Variants in TTC17 observed in about 807,000 individuals in gnomAD.
TTC17 encodes tetratricopeptide repeat domain 17, also known as tetratricopeptide repeat protein 17.
Under a neutral mutation model 143.8 loss-of-function variants are expected in TTC17, and 58 were observed. The observed-to-expected ratio is 0.40, with a 90% CI of 0.33 to 0.50. TTC17 has a LOEUF of 0.50. Ranked by LOEUF, TTC17 falls within the 20% of genes least tolerant of loss-of-function variation. TTC17 has a pLI of 0.49. For missense variants in TTC17, 1,273 were observed against 1,392.5 expected (o/e 0.91, Z 1.37); for synonymous variants, 501 against 497.8 (o/e 1.01, Z -0.09).
intron 21 of TTC17, among the ~76,000 whole-genome samples, chr11:43,470,608 G>A (rs1010359890): frequency 1.3e-5 from 2 of 152,124 alleles, no homozygotes; most frequent in Admixed American, 6.5e-5. Context: ...AGATATTTAG[G>A]GAAATAAAGC....
At chr11:43,423,396 T>G (rs1946953519) in intron 16 of TTC17, among the ~76,000 whole-genome samples, 1 of 152,136 alleles carries the variant, frequency 6.6e-6, no homozygotes, top group African/African-American at 2.4e-5. Context: ...TCCCTCAGAA[T>G]GTGCAGGATG....
chr11:43,485,843 G>A lies in TTC17; in HGVS notation c.3031-4396G>A, dbSNP rs528686863. ...TGTGAATGGGGTTGTATGTTGGCAT[G>A]GCACCTTTGGGAAACAATTTGGCAA... On this transcript the variant is annotated intron_variant, in intron 21 of 23. Coordinates refer to ENST00000039989, the MANE Select transcript of TTC17 (RefSeq NM_018259.6). Among the ~76,000 whole-genome samples, 28 of 150,888 alleles carry A rather than the reference G, an allele frequency of 1.9e-4. No individual in the cohort carries two copies. The South Asian group carries it at 5.9e-3, about 32-fold the overall frequency.
At chr11:43,455,582 A>G (rs1335824890) in intron 21 of TTC17, among the ~76,000 whole-genome samples, 1 of 152,152 alleles carries the variant, frequency 6.6e-6, no homozygotes, top group African/African-American at 2.4e-5. Context: ...AATTTATTCA[A>G]ATAGGTTTGA....
chr11:43,401,326 G>A (rs1050509132), intron 9 of TTC17, 120 bp from the exon 10 acceptor site: 6 of 606,330 alleles, frequency 9.9e-6, no homozygotes, highest in South Asian at 4.4e-5. Flanking sequence ...TACGTCCTAC[G>A]TAAGTAGCCT....
rs77256918 is a variant in TTC17, at chr11:43,492,508, T to C, written c.3294+345T>C. ...ACATACATGCTCTCTTGCTTCCAGG[T>C]TGGGCTAAGGTACCTGTCATCGCAC... On this transcript the variant is annotated intron_variant, in intron 23 of 23. Transcript: ENST00000039989. Among the ~76,000 whole-genome samples, 140 of 152,348 alleles carry C rather than the reference T, an allele frequency of 9.2e-4. 1 individual carries two copies. The Middle Eastern group carries it at 0.014, about 15-fold the overall frequency.
intron 16 of TTC17, chr11:43,436,075 T>G (rs1275017919): frequency 8.8e-7 from 1 of 1,132,182 alleles, no homozygotes; most frequent in African/African-American, 1.6e-5. Context: ...TGTCACATTT[T>G]TGCTCTTCTT....
Position 43,448,125 on chromosome 11 carries a change from A to G in TTC17, c.2786+3A>G. 1.2e-6 allele frequency: 2 copies of G among 1,613,906 alleles called. No individual in the cohort carries two copies. Among genetic ancestry groups the G allele is most frequent in the Non-Finnish European group, 1.7e-6 (2 of 1,179,896 alleles). The stretch of plus-strand genomic sequence containing the variant: ...GCAGTTTCTTCAAAAAACATTGAGT[A>G]AGTATGTTAAGCCTCTCCCTCCTTT... On this transcript the variant is annotated splice_donor_region_variant and intron_variant, in intron 19 of 23. Transcript: ENST00000039989.
intron 21 of TTC17, among the ~76,000 whole-genome samples, chr11:43,480,874 A>G (rs745710516): frequency 6.6e-6 from 1 of 150,652 alleles, no homozygotes; most frequent in Non-Finnish European, 1.5e-5. Flanking sequence ...AAAAAAATCA[A>G]TACAAGAAAA....
At chr11:43,485,990 A>C (rs180711732) in intron 21 of TTC17, among the ~76,000 whole-genome samples, 1 of 151,730 alleles carries the variant, frequency 6.6e-6, no homozygotes, top group East Asian at 1.9e-4. Flanking sequence ...AAGCAATCTA[A>C]ATGCCCATCT....
chr11:43,376,747 TTAA>T (rs1455041993), intron 1 of TTC17, among the ~76,000 whole-genome samples: 27 of 152,366 alleles, frequency 1.8e-4, no homozygotes, highest in Admixed American at 6.5e-4. Flanking sequence ...TTATAGAAGC[TTAA>T]TAAACACTTA....
intron 23 of TTC17, among the ~76,000 whole-genome samples, 176 bp from the exon 24 acceptor site, chr11:43,493,597 A>G (rs1488294829): frequency 6.6e-6 from 1 of 152,148 alleles, no homozygotes; most frequent in Non-Finnish European, 1.5e-5. Context: ...TCGGGAATGA[A>G]GGCAGCTGTT....
intron 21 of TTC17, among the ~76,000 whole-genome samples, chr11:43,475,210 A>T (rs141928649): frequency 1.8e-3 from 274 of 152,316 alleles, no homozygotes; most frequent in African/African-American, 5.7e-3. Context: ...TTTATCCAAG[A>T]TGCTTGGGAC....
intron 2 of TTC17, among the ~76,000 whole-genome samples, chr11:43,386,971 G>T (rs989463120): frequency 7.2e-5 from 11 of 152,038 alleles, no homozygotes; most frequent in Admixed American, 2.6e-4. Context: ...GTTTCATGGG[G>T]ATGGGGTCTC....
chr11:43,460,547 T>C (rs1947846270), intron 21 of TTC17, among the ~76,000 whole-genome samples: 4 of 152,206 alleles, frequency 2.6e-5, no homozygotes, highest in African/African-American at 9.6e-5. Flanking sequence ...CAATGCCCTG[T>C]TTAAATACCA....
intron 16 of TTC17, among the ~76,000 whole-genome samples, chr11:43,438,282 C>T (rs1947337103): frequency 1.3e-5 from 2 of 152,188 alleles, no homozygotes; most frequent in South Asian, 4.1e-4. Flanking sequence ...CTCAGCCTTC[C>T]AAGTAACTGG....
At chr11:43,476,853 A>C (rs1209707967) in intron 21 of TTC17, among the ~76,000 whole-genome samples, 1 of 151,546 alleles carries the variant, frequency 6.6e-6, no homozygotes, top group Non-Finnish European at 1.5e-5. Flanking sequence ...ACTCCTTGCT[A>C]CTTATGCAGA....
intron 15 of TTC17, among the ~76,000 whole-genome samples, chr11:43,411,619 G>C (rs372433957): frequency 1.1e-4 from 16 of 152,016 alleles, no homozygotes; most frequent in East Asian, 1.9e-4. Context: ...TTATTTTTTC[G>C]TTCAAGGGAT....
chr11:43,412,071 A>G (rs1858438458), intron 15 of TTC17, among the ~76,000 whole-genome samples: 1 of 152,244 alleles, frequency 6.6e-6, no homozygotes, highest in Admixed American at 6.5e-5. Context: ...ATATAAAAAC[A>G]CTATAGATGT....
chr11:43,439,841 A>G (rs1457868242), intron 16 of TTC17, among the ~76,000 whole-genome samples: 1 of 152,110 alleles, frequency 6.6e-6, no homozygotes, highest in Non-Finnish European at 1.5e-5. Context: ...GCTCAGATAC[A>G]AGTATAAACC....
Sources: allele counts gnomAD v4.1 joint callset (sites outside exome capture counted in the v4.1 genomes callset), GRCh38; gene constraint gnomAD v4.1.1; transcripts MANE v1.5; gene names NCBI Gene and HGNC (gene_info 2026-07-23, HGNC 2026-07-21).